Variants in PTPRD observed in about 807,000 individuals in gnomAD.
The protein encoded by PTPRD is receptor-type tyrosine-protein phosphatase delta.
PTPRD carries 34 observed loss-of-function variants against 214.5 expected under a neutral mutation model. That is an observed-to-expected ratio of 0.16 (90% CI 0.12 to 0.21). PTPRD has a LOEUF of 0.21. Ranked by LOEUF, PTPRD falls within the 10% of genes least tolerant of loss-of-function variation. PTPRD has a pLI of 1.00. For synonymous variants in PTPRD, 1,128 were observed against 845.7 expected (o/e 1.33, Z -5.79); for missense variants, 2,545 against 2,398.7 (o/e 1.06, Z -1.27).
intron 7 of PTPRD, among the ~76,000 whole-genome samples, chr9:9,651,586 T>C (rs1347904884): frequency 6.6e-6 from 1 of 152,162 alleles, no homozygotes; most frequent in African/African-American, 2.4e-5. Context: ...TTCTTTATTA[T>C]GGCTGCATAG....
chr9:9,575,171 A>G (rs2088049631), intron 7 of PTPRD, among the ~76,000 whole-genome samples: 1 of 152,168 alleles, frequency 6.6e-6, no homozygotes, highest in Admixed American at 6.5e-5. Context: ...AAACATGTAC[A>G]CACACAGCTG....
chr9:9,008,839 C>T (rs889716480), intron 11 of PTPRD, among the ~76,000 whole-genome samples: 1 of 152,012 alleles, frequency 6.6e-6, no homozygotes, highest in Non-Finnish European at 1.5e-5. Flanking sequence ...TTATGTTTTT[C>T]CTCTCTTTAA....
At chr9:9,581,038 C>T (rs1037976301) in intron 7 of PTPRD, among the ~76,000 whole-genome samples, 1 of 152,004 alleles carries the variant, frequency 6.6e-6, no homozygotes, top group African/African-American at 2.4e-5. Flanking sequence ...AAATAGGGGG[C>T]TTGCATTTTA....
At chr9:9,019,731 T>A (rs2099555846) in intron 10 of PTPRD, among the ~76,000 whole-genome samples, 1 of 152,106 alleles carries the variant, frequency 6.6e-6, no homozygotes, top group South Asian at 2.1e-4. Context: ...ACATGGAAGT[T>A]TATTATTAAT....
chr9:8,395,088 A>T lies in PTPRD; in HGVS notation c.4211-5681T>A, dbSNP rs117040733. On this transcript the variant is annotated intron_variant, in intron 36 of 45. Transcript: ENST00000381196. ...CACAATTTGGCTTCAAATCCCAGGT[A>T]CTTTTATTTTCTTTAAGTTCTATAA... 8.8e-3 allele frequency among the ~76,000 whole-genome samples: 1,341 copies of T among 152,236 alleles called. 9 individuals carry two copies. The highest frequency in any genetic ancestry group is 0.016 in the South Asian group (79 of 4,826).
At chr9:10,311,571 T>C (rs1456724989) in intron 3 of PTPRD, among the ~76,000 whole-genome samples, 1 of 152,074 alleles carries the variant, frequency 6.6e-6, no homozygotes, top group Non-Finnish European at 1.5e-5. Context: ...TACACATTTA[T>C]TTAGCAACTA....
intron 3 of PTPRD, among the ~76,000 whole-genome samples, chr9:10,295,872 T>C (rs927453023): frequency 3.9e-5 from 6 of 152,134 alleles, no homozygotes; most frequent in African/African-American, 1.4e-4. Flanking sequence ...GGGCTTTCTG[T>C]ACCTTTGCTA....
chr9:9,500,669 T>A (rs568477251), intron 8 of PTPRD, among the ~76,000 whole-genome samples: 1 of 152,142 alleles, frequency 6.6e-6, no homozygotes, highest in East Asian at 1.9e-4. Flanking sequence ...GTATTACAGA[T>A]GAAGATTTGG....
At chr9:9,837,079 C>T (rs181024986) in intron 5 of PTPRD, among the ~76,000 whole-genome samples, 2 of 152,180 alleles carry the variant, frequency 1.3e-5, no homozygotes, top group East Asian at 1.9e-4. Flanking sequence ...ACATTCTTTT[C>T]CCTATGTTAT....
chr9:8,365,942 A>T (rs2079754261), intron 39 of PTPRD, among the ~76,000 whole-genome samples: 1 of 152,152 alleles, frequency 6.6e-6, no homozygotes. Flanking sequence ...CTTGCGAGAA[A>T]AAACAAATTA....
At chr9:9,559,543 G>C (rs1328196385) in intron 8 of PTPRD, among the ~76,000 whole-genome samples, 1 of 152,210 alleles carries the variant, frequency 6.6e-6, no homozygotes, top group Non-Finnish European at 1.5e-5. Flanking sequence ...GGCTGTCTCA[G>C]CCTCATCATC....
intron 10 of PTPRD, among the ~76,000 whole-genome samples, chr9:9,173,766 C>T (rs2099922925): frequency 6.6e-6 from 1 of 152,104 alleles, no homozygotes; most frequent in African/African-American, 2.4e-5. Flanking sequence ...CAAAGCATGA[C>T]TCTATTTTAA....
chr9:9,742,457 A>G (rs1476973487), intron 6 of PTPRD, among the ~76,000 whole-genome samples: 8 of 152,200 alleles, frequency 5.3e-5, no homozygotes. Flanking sequence ...ATAGAAATAT[A>G]ATTGTAATTG....
intron 5 of PTPRD, among the ~76,000 whole-genome samples, chr9:9,901,682 A>G (rs7862806): frequency 0.3 from 45,016 of 152,044 alleles, 8,416 homozygotes; most frequent in East Asian, 0.57. Flanking sequence ...TTCTCATATT[A>G]CTATAAATAA....
intron 3 of PTPRD, among the ~76,000 whole-genome samples, chr9:10,185,549 G>T (rs758475226): frequency 6.6e-6 from 1 of 152,042 alleles, no homozygotes; most frequent in Non-Finnish European, 1.5e-5. Context: ...TGTTATCTGC[G>T]TTTTACAAAC....
intron 11 of PTPRD, among the ~76,000 whole-genome samples, chr9:8,992,849 A>C (rs2154349024): frequency 6.6e-6 from 1 of 152,294 alleles, no homozygotes; most frequent in South Asian, 2.1e-4. Flanking sequence ...AAGGGACAGA[A>C]ACTGAAGACC....
At chr9:9,808,874 C>T (rs115724069) in intron 5 of PTPRD, among the ~76,000 whole-genome samples, 4 of 152,182 alleles carry the variant, frequency 2.6e-5, no homozygotes, top group African/African-American at 9.6e-5. Flanking sequence ...TGGGCTCAAG[C>T]TATCTTCCCA....
intron 9 of PTPRD, among the ~76,000 whole-genome samples, chr9:9,304,776 A>C (rs934422744): frequency 6.6e-6 from 1 of 151,470 alleles, no homozygotes; most frequent in African/African-American, 2.4e-5. Flanking sequence ...CCTAATGGAA[A>C]GGAAAAAGAG....
In PTPRD at chr9:10,512,018, GTATATATATATGTA is replaced by G. The variant is rs1566642800; in HGVS notation, c.-600+100366_-600+100379del. On this transcript the variant is annotated intron_variant, in intron 2 of 45. Transcript: ENST00000381196. ...TGTGTATATATATATATACGTGTGT[GTATATATATATGTA>G]TATATATATATACACACACGTATAT... Among the ~76,000 whole-genome samples the G allele has an allele frequency of 5.3e-5, 3 of 56,208 alleles. No homozygotes were observed. The South Asian group carries it at 1.8e-3, about 34-fold the overall frequency. The allele number at this position is 56,208 out of a possible 152,430, so 36.9% of individuals were successfully genotyped here.
Sources: gnomAD v4.1 joint callset for allele counts (sites outside exome capture counted in the v4.1 genomes callset) on GRCh38, gnomAD v4.1.1 for gene constraint, MANE v1.5 for transcripts, NCBI Gene and HGNC (gene_info 2026-07-23, HGNC 2026-07-21) for gene names.